The following IFT80 variants were observed in gnomAD, a reference collection of about 807,000 sequenced individuals.
IFT80 encodes the protein intraflagellar transport protein 80 homolog.
Under a neutral mutation model 107.9 loss-of-function variants are expected in IFT80, and 79 were observed. The ratio of observed to expected loss-of-function variants is 0.73; its 90% CI spans 0.61 to 0.88. The LOEUF is 0.88. Ranked by LOEUF, IFT80 falls within the 40% of genes least tolerant of loss-of-function variation. The pLI, the probability that IFT80 is intolerant of heterozygous loss-of-function variation, is 0.00. For missense variants in IFT80, 797 were observed against 914.2 expected (o/e 0.87, Z 1.65); for synonymous variants, 299 against 300.9 (o/e 0.99, Z 0.07).
Position 160,375,800 on chromosome 3 carries a change from T to G in IFT80, c.439+12A>C. On this transcript the variant is annotated intron_variant, in intron 5 of 19. Transcript: ENST00000326448. Reference sequence around the variant, plus strand: ...AATTTGCAAAAATGAAATTGTCAATTGTAAAACATACCTTGCTGAGCTAAA... The same window carrying G: ...AATTTGCAAAAATGAAATTGTCAATGGTAAAACATACCTTGCTGAGCTAAA... 6.2e-7 allele frequency: 1 copy of G among 1,600,892 alleles called. No homozygotes were observed. Among genetic ancestry groups the G allele is most frequent in the Non-Finnish European group, 8.6e-7 (1 of 1,169,156 alleles).
chr3:160,380,032 T>C (rs1444095009), intron 3 of IFT80, among the ~76,000 whole-genome samples: 1 of 121,410 alleles, frequency 8.2e-6, no homozygotes, highest in Non-Finnish European at 1.8e-5. Flanking sequence ...CATTGTCTTT[T>C]TTTCTTTTTT....
intron 19 of IFT80, 37 bp from the exon 20 acceptor site, chr3:160,258,672 T>C (rs374363466): frequency 2.9e-5 from 46 of 1,603,100 alleles, no homozygotes; most frequent in Middle Eastern, 3.4e-4. Flanking sequence ...TATGCTTAGA[T>C]AGTGTAAGAC....
At chr3:160,284,239 G>GA (rs1714919120) in intron 13 of IFT80, among the ~76,000 whole-genome samples, 9 of 151,870 alleles carry the variant, frequency 5.9e-5, no homozygotes, top group Admixed American at 5.9e-4. Context: ...TGTAAATTAG[G>GA]AAATTCTTAC....
chr3:160,302,127 T>A (rs1716478103), intron 11 of IFT80, among the ~76,000 whole-genome samples: 1 of 152,022 alleles, frequency 6.6e-6, no homozygotes, highest in South Asian at 2.1e-4. Context: ...CTGAAGACAT[T>A]ATTACTTTTC....
rs1178230972 is a variant in IFT80 at position 160,257,160 on chromosome 3, G to C, written c.*1365C>G. ...TACACTGCTCAATCAGATTTCATCTGGATCAAGAACAGAATATTCCAATAT... is the reference window on the plus strand; with the variant it reads ...TACACTGCTCAATCAGATTTCATCTCGATCAAGAACAGAATATTCCAATAT... On this transcript the variant is annotated 3_prime_UTR_variant, in exon 20 of 20. Coordinates refer to ENST00000326448, the MANE Select transcript of IFT80 (RefSeq NM_020800.3). The C allele has an allele frequency of 6.6e-6, 1 of 151,902 alleles. No homozygotes were observed. Among genetic ancestry groups the C allele is most frequent in the Non-Finnish European group, 1.5e-5 (1 of 68,018 alleles). 9.4% of individuals were successfully genotyped at this position (151,902 alleles called of 1,614,324 possible).
chr3:160,377,780 G>A, intron 3 of IFT80: 1 of 307,932 alleles, frequency 3.2e-6, no homozygotes, highest in Non-Finnish European at 5.9e-6. Context: ...GTTCATAACA[G>A]GGAAAAACCC....
chr3:160,398,286 T>G (rs1469498214), intron 1 of IFT80, among the ~76,000 whole-genome samples: 1 of 152,176 alleles, frequency 6.6e-6, no homozygotes, highest in Admixed American at 6.5e-5. Flanking sequence ...TGAACCTGAC[T>G]TCATGCTCTT....
intron 8 of IFT80, among the ~76,000 whole-genome samples, chr3:160,325,392 A>G (rs1718609758): frequency 6.6e-6 from 1 of 152,164 alleles, no homozygotes. Flanking sequence ...GGAATGTCTT[A>G]CTAAAATTAA....
chr3:160,297,539 G>A (rs948375876), intron 12 of IFT80, among the ~76,000 whole-genome samples: 1 of 151,880 alleles, frequency 6.6e-6, no homozygotes, highest in Admixed American at 6.6e-5. Context: ...GTAAATCATA[G>A]GATTTTAAGT....
chr3:160,286,845 T>C (rs1433955271), intron 12 of IFT80, among the ~76,000 whole-genome samples: 1 of 152,190 alleles, frequency 6.6e-6, no homozygotes. Context: ...ATCTGGTCTT[T>C]GTCCTGGAGC....
chr3:160,389,695 G>A (rs1713217544), intron 1 of IFT80, among the ~76,000 whole-genome samples: 2 of 151,946 alleles, frequency 1.3e-5, no homozygotes, highest in Non-Finnish European at 2.9e-5. Flanking sequence ...ATTCCACGGT[G>A]TATATGTGCC....
intron 8 of IFT80, among the ~76,000 whole-genome samples, chr3:160,349,021 C>A (rs1348452022): frequency 6.6e-6 from 1 of 151,988 alleles, no homozygotes; most frequent in Non-Finnish European, 1.5e-5. Context: ...GGTTGCACAA[C>A]CCTATGAATA....
Position 160,320,116 on chromosome 3 carries a change from G to A in IFT80, c.778-177C>T, listed in dbSNP as rs2152425. The A allele has an allele frequency of 0.54, 316,260 of 590,174 alleles. 87,599 individuals are homozygous for A. The highest frequency in any genetic ancestry group is 0.68 in the African/African-American group (36,307 of 53,602). The allele number at this position is 590,174 out of a possible 1,614,324, so 36.6% of individuals were successfully genotyped here. A position where few individuals can be genotyped will look rare whatever the true frequency, so the allele number is the denominator to read the frequency against. On this transcript the variant is annotated intron_variant, in intron 8 of 19. Transcript: ENST00000326448. The stretch of plus-strand genomic sequence containing the variant: ...AATGGAAAATACAGATGTAATTGTT[G>A]AAGTCCACAGTAGAACATCATGCTA...
chr3:160,276,401 T>A (rs1714269468), intron 18 of IFT80, among the ~76,000 whole-genome samples: 1 of 152,146 alleles, frequency 6.6e-6, no homozygotes, highest in Non-Finnish European at 1.5e-5. Flanking sequence ...TCTATAGAAA[T>A]TCTAATCTAA....
intron 5 of IFT80, chr3:160,373,656 C>G (rs1711731694): frequency 5.8e-6 from 1 of 172,134 alleles, no homozygotes; most frequent in Non-Finnish European, 1.2e-5. Flanking sequence ...TGTTTTCCTG[C>G]AACAAGATGG....
intron 8 of IFT80, among the ~76,000 whole-genome samples, chr3:160,352,140 G>A (rs1050800172): frequency 6.6e-6 from 1 of 150,980 alleles, no homozygotes; most frequent in Non-Finnish European, 1.5e-5. Flanking sequence ...CTCAGCACCC[G>A]CCACCACGCC....
intron 10 of IFT80, among the ~76,000 whole-genome samples, chr3:160,307,131 A>G (rs113112329): frequency 1.2e-4 from 19 of 152,302 alleles, no homozygotes; most frequent in Admixed American, 3.3e-4. Flanking sequence ...GAATTTTGTA[A>G]GCCAACTGTT....
chr3:160,262,322 T>C (rs539984150), intron 19 of IFT80, among the ~76,000 whole-genome samples: 2 of 152,224 alleles, frequency 1.3e-5, no homozygotes, highest in South Asian at 4.2e-4. Flanking sequence ...TTGGAAACCA[T>C]GGGAAAAAAA....
intron 12 of IFT80, among the ~76,000 whole-genome samples, chr3:160,298,760 G>T (rs1416270089): frequency 6.6e-6 from 1 of 152,064 alleles, no homozygotes; most frequent in African/African-American, 2.4e-5. Context: ...ATGCACTTAG[G>T]CTATATGATA....
Sources: allele counts gnomAD v4.1 joint callset (sites outside exome capture counted in the v4.1 genomes callset), GRCh38; gene constraint gnomAD v4.1.1; transcripts MANE v1.5; gene names NCBI Gene and HGNC (gene_info 2026-07-23, HGNC 2026-07-21).